Variants in LIMS2 observed in about 807,000 individuals in gnomAD.
LIMS2 encodes the protein LIM and senescent cell antigen-like-containing domain protein 2.
Under a neutral mutation model 45.3 loss-of-function variants are expected in LIMS2, and 30 were observed. The observed-to-expected ratio is 0.66, with a 90% CI of 0.50 to 0.90. The LOEUF (loss-of-function observed/expected upper bound fraction) is 0.90. LIMS2 is among the 40% of genes least tolerant of loss of function. LIMS2 has a pLI of 0.00. For missense variants in LIMS2, 485 were observed against 468.7 expected (o/e 1.03, Z -0.32); for synonymous variants, 173 against 188.0 (o/e 0.92, Z 0.65).
chr2:127,679,780 C>A (rs1230795211), upstream of LIMS2, among the ~76,000 whole-genome samples: 2 of 152,140 alleles, frequency 1.3e-5, no homozygotes, highest in Non-Finnish European at 2.9e-5. The surrounding 1 kb of genome is among the most constrained non-coding windows in gnomAD (Gnocchi z 5.3). Flanking sequence ...CCTCAATGAG[C>A]CTCCGCCAAT....
upstream of LIMS2, among the ~76,000 whole-genome samples, chr2:127,679,025 G>T (rs1685560307): frequency 6.6e-6 from 1 of 152,172 alleles, no homozygotes; most frequent in Non-Finnish European, 1.5e-5. This position sits in a 1 kb window ranked among gnomAD's most constrained non-coding sequence, Gnocchi z 5.3. Flanking sequence ...GAGCAGGAGA[G>T]TGTGAGGTGC....
chr2:127,678,103 T>C (rs1000797086), upstream of LIMS2, among the ~76,000 whole-genome samples: 12 of 152,160 alleles, frequency 7.9e-5, no homozygotes, highest in African/African-American at 2.2e-4. This position sits in a 1 kb window ranked among gnomAD's most constrained non-coding sequence, Gnocchi z 5.3. Flanking sequence ...GCTGAAGTGT[T>C]TAGGTAGAAA....
chr2:127,673,616 C>A, intron 1 of LIMS2: 1 of 1,508,212 alleles, frequency 6.6e-7, no homozygotes, highest in Non-Finnish European at 9.0e-7. Flanking sequence ...AGCCCCGCAC[C>A]CTTCACGGCT....
At chr2:127,644,741 A>G (rs1021541247) in intron 4 of LIMS2, among the ~76,000 whole-genome samples, 1 of 152,236 alleles carries the variant, frequency 6.6e-6, no homozygotes, top group African/African-American at 2.4e-5. Flanking sequence ...CCCCAATAAC[A>G]GAAGGTCTGT....
chr2:127,663,999 T>A (rs531967603), intron 1 of LIMS2, among the ~76,000 whole-genome samples: 1 of 152,354 alleles, frequency 6.6e-6, no homozygotes, highest in African/African-American at 2.4e-5. Flanking sequence ...AGAACCTGTC[T>A]GCTCATCTAT....
Position 127,664,618 on chromosome 2 carries a change from C to T in LIMS2, c.12-7056G>A, listed in dbSNP as rs1684904783. 8 of 1,111,960 alleles carry T rather than the reference C, an allele frequency of 7.2e-6. No individual in the cohort carries two copies. Among genetic ancestry groups the T allele is most frequent in the Non-Finnish European group, 8.8e-6 (8 of 912,354 alleles). The allele number at this position is 1,111,960 out of a possible 1,614,324, so 68.9% of individuals were successfully genotyped here. A position where few individuals can be genotyped will look rare whatever the true frequency, so the allele number is the denominator to read the frequency against. On this transcript the variant is annotated intron_variant, in intron 1 of 9. Coordinates refer to ENST00000355119, the MANE Select transcript of LIMS2 (RefSeq NM_001161403.3). The surrounding 1 kb of genome is among the most constrained non-coding windows in gnomAD (Gnocchi z 5.5). ...TATTGTTCGCGCCGCGGGGGCAGCT[C>T]CTGAAAGCTGAGGCTGGCGGGGGTT...
chr2:127,651,774 G>T lies in LIMS2; in HGVS notation c.359+2650C>A, dbSNP rs533564833. 242 of 1,605,662 alleles carry T rather than the reference G, an allele frequency of 1.5e-4. 4 individuals carry two copies. In the South Asian group the frequency reaches 2.6e-3, roughly 17 times the overall value. ...GCTGTGAGCGGGGGGCGCCGTCCAG[G>T]CCGAGCGCAGACTGTTTAGGACTCA... On this transcript the variant is annotated intron_variant, in intron 4 of 9. Transcript: ENST00000355119.
intron 1 of LIMS2, among the ~76,000 whole-genome samples, chr2:127,659,989 T>C (rs1016319581): frequency 6.6e-6 from 1 of 152,090 alleles, no homozygotes; most frequent in Non-Finnish European, 1.5e-5. Flanking sequence ...CCACCCTTCC[T>C]CCCTCGCCGT....
intron 1 of LIMS2, among the ~76,000 whole-genome samples, chr2:127,658,630 G>C (rs1684419122): frequency 6.6e-6 from 1 of 152,082 alleles, no homozygotes; most frequent in African/African-American, 2.4e-5. Context: ...TCAAAAACAG[G>C]GTCAGGATGT....
intron 7 of LIMS2, chr2:127,640,635 G>T: frequency 1.7e-6 from 1 of 598,176 alleles, no homozygotes. Flanking sequence ...GCAAGGGAGG[G>T]AGGGGGTTGC....
chr2:127,657,411 A>C lies in LIMS2; in HGVS notation c.163T>G (p.Phe55Val), dbSNP rs1450454255. Reference sequence around the variant, plus strand: ...CTCAGTAGTGTCCTCACCTCATAGAAGAGCCCCTCGGGGAAGGGCCGGAAG... The same window carrying C: ...CTCAGTAGTGTCCTCACCTCATAGACGAGCCCCTCGGGGAAGGGCCGGAAG... ...QCFRPFPEGL[F>V]YEFEGRKYCE... Residue 55 changes from phenylalanine (F) to valine (V), a missense_variant, in exon 2 of 10, where the codon TTC becomes GTC. Transcript: ENST00000355119. The C allele has an allele frequency of 6.2e-7, 1 of 1,613,848 alleles. No homozygotes were observed. The highest frequency in any genetic ancestry group is 1.7e-5 in the Admixed American group (1 of 60,020).
intron 4 of LIMS2, chr2:127,650,588 C>CCG (rs1402859015): frequency 1.5e-6 from 1 of 669,984 alleles, no homozygotes. Context: ...CTCAGCAGCC[C>CCG]CGTGGGCGGT....
At chr2:127,644,502 C>T (rs1416633347) in intron 4 of LIMS2, among the ~76,000 whole-genome samples, 2 of 152,216 alleles carry the variant, frequency 1.3e-5, no homozygotes, top group Non-Finnish European at 2.9e-5. Context: ...GGCTGAGCTG[C>T]CCCACCTGGC....
At chr2:127,663,846 C>T (rs1684836204) in intron 1 of LIMS2, among the ~76,000 whole-genome samples, 1 of 152,206 alleles carries the variant, frequency 6.6e-6, no homozygotes, top group South Asian at 2.1e-4. Context: ...CCCCTCCCAA[C>T]CTCCCCATCC....
At chr2:127,670,786 G>A (rs1008847864) in intron 1 of LIMS2, among the ~76,000 whole-genome samples, 7 of 152,220 alleles carry the variant, frequency 4.6e-5, no homozygotes, top group Non-Finnish European at 1.0e-4. Flanking sequence ...GGCAGAGACG[G>A]ACAGAGGCAG....
Position 127,662,150 on chromosome 2 carries a change from G to A in LIMS2, c.12-4588C>T, listed in dbSNP as rs147978856. Among the ~76,000 whole-genome samples, 93 of 152,222 alleles carry A rather than the reference G, an allele frequency of 6.1e-4. 1 individual carries two copies. In the East Asian group the frequency reaches 0.016, roughly 27 times the overall value. The stretch of plus-strand genomic sequence containing the variant: ...ACCAGGCTGCAACCCTGGCCCCGAC[G>A]CCCCCTGTCTGTGTGACCTGCAGCA... On this transcript the variant is annotated intron_variant, in intron 1 of 9. Transcript: ENST00000355119.
intron 1 of LIMS2, among the ~76,000 whole-genome samples, chr2:127,668,711 A>AAAC (rs1558901551): frequency 4.2e-5 from 5 of 119,430 alleles, no homozygotes; most frequent in Non-Finnish European, 8.7e-5. Flanking sequence ...AAAAAAAAAA[A>AAAC]CACCTTACTT....
At chr2:127,662,682 T>A (rs980942484) in intron 1 of LIMS2, among the ~76,000 whole-genome samples, 1 of 149,690 alleles carries the variant, frequency 6.7e-6, no homozygotes, top group Non-Finnish European at 1.5e-5. Flanking sequence ...TTAGGAGATA[T>A]ACCTAATGCT....
intron 1 of LIMS2, chr2:127,673,551 C>G: frequency 1.0e-6 from 1 of 965,468 alleles, no homozygotes; most frequent in African/African-American, 1.6e-5. Flanking sequence ...CCAAGGGACT[C>G]AGGGGCAAGA....
Sources: allele counts gnomAD v4.1 joint callset (sites outside exome capture counted in the v4.1 genomes callset), GRCh38; gene constraint gnomAD v4.1.1; non-coding constraint Gnocchi (gnomAD v3.1); transcripts MANE v1.5; gene names NCBI Gene and HGNC (gene_info 2026-07-23, HGNC 2026-07-21).